Variants in SPATA17 observed in about 807,000 individuals in gnomAD.
SPATA17 encodes spermatogenesis-associated protein 17.
A neutral mutation model predicts 62.2 loss-of-function variants in SPATA17; 53 were observed. The observed-to-expected ratio is 0.85, with a 90% CI of 0.68 to 1.07. The LOEUF (loss-of-function observed/expected upper bound fraction) is 1.07. SPATA17 is among the 50% of genes least tolerant of loss of function. SPATA17 has a pLI of 0.00. For synonymous variants in SPATA17, 146 were observed against 146.8 expected, an observed-to-expected ratio of 0.99 and a Z score of 0.04; for missense variants, 466 against 425.5, an observed-to-expected ratio of 1.10 and a Z score of -0.84.
intron 5 of SPATA17, among the ~76,000 whole-genome samples, chr1:217,706,090 C>G (rs2102922980): frequency 6.6e-6 from 1 of 152,246 alleles, no homozygotes; most frequent in South Asian, 2.1e-4. Flanking sequence ...GTAGCACTAC[C>G]ATGCTGTTTT....
At chr1:217,683,661 C>T (rs150142714) in intron 5 of SPATA17, among the ~76,000 whole-genome samples, 150 of 152,160 alleles carry the variant, frequency 9.9e-4, no homozygotes, top group African/African-American at 3.4e-3. Flanking sequence ...AGGCTGGTCT[C>T]GAACTCCTGA....
intron 9 of SPATA17, among the ~76,000 whole-genome samples, chr1:217,839,802 A>G (rs997902320): frequency 1.3e-5 from 2 of 152,058 alleles, no homozygotes; most frequent in African/African-American, 4.8e-5. Flanking sequence ...TGAAATTAAT[A>G]TACAGATGTT....
rs1208035520 is a variant in SPATA17, at chr1:217,696,142, G to T, written c.395+12781G>T. 8.5e-5 allele frequency among the ~76,000 whole-genome samples: 13 copies of T among 152,344 alleles called. No individual in the cohort carries two copies. The East Asian group carries it at 2.3e-3, about 27-fold the overall frequency. ...TCAGACTGCTGTGCTAGCAATCAGC[G>T]AGATTCCGTGGGCGTAGGACCCTCC... is the stretch of plus-strand genomic sequence containing the variant. On this transcript the variant is annotated intron_variant, in intron 5 of 10. Transcript: ENST00000366933.
intron 1 of SPATA17, among the ~76,000 whole-genome samples, chr1:217,640,653 A>G (rs1405776753): frequency 6.6e-6 from 1 of 152,124 alleles, no homozygotes; most frequent in Non-Finnish European, 1.5e-5. Flanking sequence ...TAAAAACTGT[A>G]AATAACTTGT....
intron 9 of SPATA17, among the ~76,000 whole-genome samples, chr1:217,809,583 A>G (rs1343103711): frequency 2.1e-5 from 2 of 97,514 alleles, no homozygotes; most frequent in Non-Finnish European, 4.4e-5. Context: ...TGGATTTATA[A>G]TAACAAACCC....
At chr1:217,772,460 G>C (rs553308744) in intron 6 of SPATA17, among the ~76,000 whole-genome samples, 1 of 152,168 alleles carries the variant, frequency 6.6e-6, no homozygotes, top group East Asian at 1.9e-4. Flanking sequence ...TTAAAAAATA[G>C]AAAAATTTGA....
chr1:217,801,916 G>T, intron 9 of SPATA17, 66 bp downstream of exon 9: 1 of 1,414,080 alleles, frequency 7.1e-7, no homozygotes, highest in Non-Finnish European at 9.6e-7. Flanking sequence ...ATTAATTAGA[G>T]CAAATATAAA....
intron 5 of SPATA17, among the ~76,000 whole-genome samples, chr1:217,716,689 T>C (rs1312010174): frequency 6.6e-6 from 1 of 152,238 alleles, no homozygotes; most frequent in East Asian, 1.9e-4. Flanking sequence ...ATATGTGTTC[T>C]TGGTAGATAA....
chr1:217,774,418 C>A lies in SPATA17; in HGVS notation c.604C>A (p.Arg202=). The A allele has an allele frequency of 6.2e-7, 1 of 1,614,018 alleles. No homozygotes were observed. The highest frequency in any genetic ancestry group is 8.5e-7 in the Non-Finnish European group (1 of 1,179,962). The stretch of plus-strand genomic sequence containing the variant: ...ACAGAAGGCAAAGCCTTTAACACAC[C>A]GAAGACCTAAAGTTAAGCAGAAGGA... ...QLQKAKPLTH[R]RPKVKQKDST... The change falls in exon 7 of 11, where the codon CGA becomes AGA. Residue 202 remains arginine, a synonymous_variant. Transcript: ENST00000366933.
At chr1:217,671,454 T>C (rs1250923919) in intron 4 of SPATA17, among the ~76,000 whole-genome samples, 1 of 152,198 alleles carries the variant, frequency 6.6e-6, no homozygotes, top group African/African-American at 2.4e-5. Context: ...CTTATAAATT[T>C]CGTGGTCAAA....
intron 6 of SPATA17, among the ~76,000 whole-genome samples, chr1:217,770,985 T>A (rs1673428393): frequency 8.2e-5 from 9 of 110,366 alleles, no homozygotes; most frequent in Admixed American, 2.8e-4. Flanking sequence ...TGCATTTTTT[T>A]TTTTTTTTTT....
chr1:217,751,062 G>A (rs796322453), intron 6 of SPATA17, among the ~76,000 whole-genome samples: 2 of 152,208 alleles, frequency 1.3e-5, no homozygotes, highest in African/African-American at 4.8e-5. Flanking sequence ...AAGGATATGC[G>A]CTGGTTTTTC....
At chr1:217,822,767 T>C (rs1674898554) in intron 9 of SPATA17, among the ~76,000 whole-genome samples, 1 of 142,054 alleles carries the variant, frequency 7.0e-6, no homozygotes, top group Admixed American at 7.4e-5. Context: ...TTTTTTAATG[T>C]ATGGGTTTCT....
chr1:217,702,610 A>G (rs1357113909), intron 5 of SPATA17, among the ~76,000 whole-genome samples: 1 of 152,172 alleles, frequency 6.6e-6, no homozygotes, highest in Non-Finnish European at 1.5e-5. Context: ...AGAATAGTTA[A>G]GAGCCAATGC....
chr1:217,731,536 C>T (rs1001274849), intron 5 of SPATA17, among the ~76,000 whole-genome samples: 2 of 152,184 alleles, frequency 1.3e-5, no homozygotes, highest in African/African-American at 4.8e-5. Context: ...CTTTTCCTAG[C>T]TCTCCTCATA....
At chr1:217,795,105 A>T (rs1257720647) in intron 8 of SPATA17, among the ~76,000 whole-genome samples, 1 of 152,176 alleles carries the variant, frequency 6.6e-6, no homozygotes, top group Non-Finnish European at 1.5e-5. Flanking sequence ...TAGTCTTAAG[A>T]CTAATGTTAA....
chr1:217,682,809 T>G (rs753919456), intron 4 of SPATA17, among the ~76,000 whole-genome samples: 2 of 152,116 alleles, frequency 1.3e-5, no homozygotes, highest in Non-Finnish European at 2.9e-5. Flanking sequence ...TACAAGAATT[T>G]GTTTAAATAT....
chr1:217,843,917 G>A (rs1675466937), intron 9 of SPATA17, among the ~76,000 whole-genome samples: 1 of 152,114 alleles, frequency 6.6e-6, no homozygotes, highest in South Asian at 2.1e-4. Context: ...ATAGCACTGT[G>A]ACAGTGCTGG....
intron 6 of SPATA17, among the ~76,000 whole-genome samples, chr1:217,773,661 T>C (rs1673510358): frequency 6.6e-6 from 1 of 152,140 alleles, no homozygotes; most frequent in African/African-American, 2.4e-5. Flanking sequence ...AAGTCATTGA[T>C]AGAACAGCAA....
Sources: allele counts gnomAD v4.1 joint callset (sites outside exome capture counted in the v4.1 genomes callset), GRCh38; gene constraint gnomAD v4.1.1; transcripts MANE v1.5; gene names NCBI Gene and HGNC (gene_info 2026-07-23, HGNC 2026-07-21).